The following NRP1 variants were observed in gnomAD, a reference collection of about 807,000 sequenced individuals.
NRP1 encodes neuropilin 1, also known as neuropilin-1.
In NRP1, 35 loss-of-function variants were observed where a neutral mutation model predicts 106.7. That is an observed-to-expected ratio of 0.33 (90% CI 0.25 to 0.43). NRP1 has a LOEUF of 0.43. NRP1 is among the 20% of genes least tolerant of loss of function. The pLI is 1.00. For missense variants in NRP1, 1,024 were observed against 1,170.4 expected, an observed-to-expected ratio of 0.87 and a Z score of 1.83; for synonymous variants, 437 against 417.9, an observed-to-expected ratio of 1.05 and a Z score of -0.56.
intron 2 of NRP1, among the ~76,000 whole-genome samples, chr10:33,280,406 C>T (rs1384836804): frequency 6.6e-6 from 1 of 152,106 alleles, no homozygotes; most frequent in South Asian, 2.1e-4. Context: ...CCTTTAATTA[C>T]AATAAACTCA....
chr10:33,183,548 G>T (rs1835820467), intron 15 of NRP1, among the ~76,000 whole-genome samples: 1 of 152,190 alleles, frequency 6.6e-6, no homozygotes, highest in African/African-American at 2.4e-5. Context: ...ACTGTGCCCT[G>T]TGTATTACAA....
chr10:33,315,760 G>A (rs960502015), intron 2 of NRP1, among the ~76,000 whole-genome samples: 6 of 152,178 alleles, frequency 3.9e-5, no homozygotes, highest in Admixed American at 2.6e-4. Context: ...TATCAAAAAT[G>A]GCTTCATGAA....
intron 2 of NRP1, among the ~76,000 whole-genome samples, chr10:33,308,000 T>C (rs911411545): frequency 1.3e-5 from 2 of 152,080 alleles, no homozygotes; most frequent in South Asian, 2.1e-4. Context: ...ATAAAGAAAA[T>C]GTGGTGCATG....
At chr10:33,214,636 A>C (rs1330984374) in intron 8 of NRP1, among the ~76,000 whole-genome samples, 1 of 152,156 alleles carries the variant, frequency 6.6e-6, no homozygotes, top group Non-Finnish European at 1.5e-5. Context: ...AATTTTCAGA[A>C]AATGTTGTTT....
chr10:33,190,940 AAC>A (rs1206419753), intron 13 of NRP1, among the ~76,000 whole-genome samples: 1 of 152,038 alleles, frequency 6.6e-6, no homozygotes, highest in Non-Finnish European at 1.5e-5. Flanking sequence ...TGCAGCCTTG[AAC>A]TCCTAGGCTC....
chr10:33,231,338 T>C (rs1840111001), intron 6 of NRP1, among the ~76,000 whole-genome samples: 1 of 152,200 alleles, frequency 6.6e-6, no homozygotes, highest in African/African-American at 2.4e-5. Context: ...GTAAAGATGA[T>C]AGAAGAAAAT....
At chr10:33,230,136 C>T (rs539563085) in intron 6 of NRP1, among the ~76,000 whole-genome samples, 4 of 152,230 alleles carry the variant, frequency 2.6e-5, no homozygotes, top group South Asian at 2.1e-4. Context: ...GTTCTTTCCA[C>T]GAGTCCTTTC....
chr10:33,227,803 GCACTC>G (rs1839791575), intron 6 of NRP1, among the ~76,000 whole-genome samples: 1 of 152,112 alleles, frequency 6.6e-6, no homozygotes, highest in Non-Finnish European at 1.5e-5. Context: ...TAAGCAGCAA[GCACTC>G]CATGTTCTAG....
chr10:33,238,149 G>A (rs777362193), intron 6 of NRP1, among the ~76,000 whole-genome samples: 1 of 152,162 alleles, frequency 6.6e-6, no homozygotes, highest in Non-Finnish European at 1.5e-5. Context: ...AAGCATTCCT[G>A]GGAATGAGAC....
At chr10:33,207,508 G>T in intron 10 of NRP1, 64 bp downstream of exon 10, 4 of 1,580,166 alleles carry the variant, frequency 2.5e-6, no homozygotes, top group Middle Eastern at 1.7e-4. Flanking sequence ...ACCATCAGGG[G>T]CATAAATGCA....
intron 11 of NRP1, among the ~76,000 whole-genome samples, chr10:33,200,124 G>A (rs2247383): frequency 0.43 from 65,249 of 152,002 alleles, 14,360 homozygotes; most frequent in East Asian, 0.72. Context: ...GGGAGGCCAG[G>A]ATACATTAGC....
chr10:33,319,002 CTTTTTT>C (rs36010472), intron 2 of NRP1, among the ~76,000 whole-genome samples: 3 of 90,764 alleles, frequency 3.3e-5, no homozygotes, highest in Non-Finnish European at 2.3e-5. Context: ...TCTTTTCTTT[CTTTTTT>C]TTTTTTTTTT....
At chr10:33,287,314 T>C (rs1390133063) in intron 2 of NRP1, among the ~76,000 whole-genome samples, 1 of 152,198 alleles carries the variant, frequency 6.6e-6, no homozygotes, top group African/African-American at 2.4e-5. Flanking sequence ...TGAACAGTAA[T>C]AATATTGATT....
chr10:33,309,728 A>G (rs1057242587), intron 2 of NRP1, among the ~76,000 whole-genome samples: 2 of 152,082 alleles, frequency 1.3e-5, no homozygotes, highest in African/African-American at 4.8e-5. Context: ...CCATCCCATC[A>G]AGGGGGCTTT....
At chr10:33,245,500 A>G (rs1036889206) in intron 6 of NRP1, among the ~76,000 whole-genome samples, 2 of 152,220 alleles carry the variant, frequency 1.3e-5, no homozygotes, top group African/African-American at 2.4e-5. Context: ...TTCTGCAGTG[A>G]TTGTTCAATT....
At chr10:33,300,287 A>T (rs1470962620) in intron 2 of NRP1, among the ~76,000 whole-genome samples, 1 of 152,196 alleles carries the variant, frequency 6.6e-6, no homozygotes, top group Admixed American at 6.5e-5. Context: ...ACACTTCAAG[A>T]GTGTCCACCT....
At chr10:33,290,348 G>GTT (rs10718716) in intron 2 of NRP1, among the ~76,000 whole-genome samples, 15 of 135,812 alleles carry the variant, frequency 1.1e-4, no homozygotes, top group African/African-American at 3.0e-4. Flanking sequence ...TTACCAAGAG[G>GTT]TTTTTTTTTT....
intron 11 of NRP1, chr10:33,202,546 T>C: frequency 8.1e-7 from 1 of 1,236,170 alleles, no homozygotes; most frequent in Non-Finnish European, 1.1e-6. Flanking sequence ...TGTGGTTACG[T>C]AGGGGTGGTG....
At chr10:33,297,917 GAA>G (rs5784331) in intron 2 of NRP1, among the ~76,000 whole-genome samples, 146 of 148,812 alleles carry the variant, frequency 9.8e-4, no homozygotes, top group African/African-American at 3.4e-3. Context: ...GCTATTCTAA[GAA>G]AAAAAAAATC....
Sources: allele counts gnomAD v4.1 joint callset (sites outside exome capture counted in the v4.1 genomes callset), GRCh38; gene constraint gnomAD v4.1.1; transcripts MANE v1.5; gene names NCBI Gene and HGNC (gene_info 2026-07-23, HGNC 2026-07-21).